UNC80: variants seen among roughly 807,000 people sequenced by gnomAD.
UNC80 encodes the protein protein unc-80 homolog.
A neutral mutation model predicts 384.6 loss-of-function variants in UNC80; 164 were observed. The observed-to-expected ratio is 0.43, with a 90% confidence interval of 0.38 to 0.49. The LOEUF (loss-of-function observed/expected upper bound fraction) is 0.49, where lower values mean the gene tolerates loss of function less well. UNC80 is among the 20% of genes least tolerant of loss of function. The pLI, the probability that UNC80 is intolerant of heterozygous loss-of-function variation, is 0.00. For missense variants in UNC80, 3,330 were observed against 4,143.0 expected (o/e 0.80, Z 5.39); for synonymous variants, 1,486 against 1,527.8 (o/e 0.97, Z 0.64).
intron 28 of UNC80, among the ~76,000 whole-genome samples, chr2:209,901,120 A>G (rs1480619634): frequency 6.6e-6 from 1 of 152,258 alleles, no homozygotes; most frequent in Admixed American, 6.5e-5. Flanking sequence ...GTAGGTGGCT[A>G]TACTATAAAA....
In UNC80 at chr2:209,998,132, CCA is replaced by C; in HGVS notation, c.*2539_*2540del. On this transcript the variant is annotated 3_prime_UTR_variant, in exon 65 of 65. Coordinates refer to ENST00000673920, the MANE Select transcript of UNC80 (RefSeq NM_001371986.1). The stretch of plus-strand genomic sequence containing the variant: ...TTCAGAGGAAAAACAAAAAAGGTAC[CCA>C]CTTCCCATGTAGAAAAAATTAGACT... 1 of 151,916 alleles carries C rather than the reference CCA, an allele frequency of 6.6e-6. No individual in the cohort carries two copies. The highest frequency in any genetic ancestry group is 1.9e-4 in the East Asian group (1 of 5,182). The allele number at this position is 151,916 out of a possible 1,614,324, so 9.4% of individuals were successfully genotyped here.
At chr2:209,810,114 C>T (rs2153826987) in intron 7 of UNC80, among the ~76,000 whole-genome samples, 1 of 152,250 alleles carries the variant, frequency 6.6e-6, no homozygotes, top group East Asian at 1.9e-4. Flanking sequence ...CTAAGATGCT[C>T]TGGGCCTGAG....
Position 209,959,388 on chromosome 2 carries a change from C to G in UNC80, c.7587-101C>G. 3 of 1,213,470 alleles carry G rather than the reference C, an allele frequency of 2.5e-6. No individual in the cohort carries two copies. The South Asian group carries it at 4.4e-5, about 18-fold the overall frequency. The allele number at this position is 1,213,470 out of a possible 1,614,324, so 75.2% of individuals were successfully genotyped here. A position where few individuals can be genotyped will look rare whatever the true frequency, so the allele number is the denominator to read the frequency against. On this transcript the variant is annotated intron_variant, in intron 50 of 64. Coordinates refer to ENST00000673920, the MANE Select transcript of UNC80 (RefSeq NM_001371986.1). ...GCCTCACCCTACTGATTCATTAACT[C>G]ATTAGGAATCTTATATTTTTCTTCA...
chr2:209,935,833 A>C (rs934264518), intron 40 of UNC80, 25 bp downstream of exon 40: 22 of 1,441,922 alleles, frequency 1.5e-5, no homozygotes, highest in Non-Finnish European at 1.9e-5. Context: ...TAACAGAAAC[A>C]ATTTTTAAGG....
chr2:209,930,168 CTA>C (rs143579809), intron 37 of UNC80, among the ~76,000 whole-genome samples, 197 bp downstream of exon 37: 15 of 149,802 alleles, frequency 1.0e-4, no homozygotes, highest in South Asian at 2.1e-4. Flanking sequence ...ATTCATGTTT[CTA>C]TATATATATA....
chr2:209,902,438 A>G (rs1293683412), intron 28 of UNC80, among the ~76,000 whole-genome samples: 1 of 152,232 alleles, frequency 6.6e-6, no homozygotes, highest in Non-Finnish European at 1.5e-5. Context: ...GTTGATCGCA[A>G]TTTTGAAAGA....
intron 9 of UNC80, among the ~76,000 whole-genome samples, chr2:209,815,836 T>C (rs1338691457): frequency 6.6e-6 from 1 of 152,216 alleles, no homozygotes; most frequent in African/African-American, 2.4e-5. Context: ...TTGCCCAAGA[T>C]TGAGTCCAAA....
chr2:209,831,385 C>G (rs2080955852), intron 15 of UNC80, 58 bp from the exon 16 acceptor site: 3 of 1,502,618 alleles, frequency 2.0e-6, no homozygotes, highest in Non-Finnish European at 8.9e-7. Context: ...TGCCTTACTC[C>G]TACCCATTGT....
intron 1 of UNC80, 119 bp downstream of exon 1, chr2:209,772,283 C>A: frequency 2.6e-6 from 1 of 384,144 alleles, no homozygotes; most frequent in Non-Finnish European, 4.3e-6. Context: ...AGCTCCCTCT[C>A]TGGGGCTGGA....
At chr2:209,924,375 C>A (rs144743416) in intron 35 of UNC80, among the ~76,000 whole-genome samples, 1 of 152,300 alleles carries the variant, frequency 6.6e-6, no homozygotes, top group East Asian at 1.9e-4. Context: ...TGCTCAGTTA[C>A]ATTAGTGGTC....
At chr2:209,946,725 G>A (rs1029421002) in intron 47 of UNC80, among the ~76,000 whole-genome samples, 48 of 152,302 alleles carry the variant, frequency 3.2e-4, no homozygotes, top group African/African-American at 1.1e-3. Context: ...ATTCAAAGAT[G>A]TTGGCTCTGG....
At chr2:209,863,275 T>G (rs1374033645) in intron 22 of UNC80, among the ~76,000 whole-genome samples, 5 of 152,184 alleles carry the variant, frequency 3.3e-5, no homozygotes, top group Non-Finnish European at 7.3e-5. Context: ...AGTTCTTCCT[T>G]CATTTCCACC....
intron 7 of UNC80, among the ~76,000 whole-genome samples, chr2:209,808,576 C>G (rs368104510): frequency 1.3e-5 from 2 of 151,994 alleles, no homozygotes; most frequent in East Asian, 3.9e-4. Flanking sequence ...CTGCGCGAGC[C>G]CAGCCAGGCC....
At chr2:209,812,968 G>C (rs2079474162) in intron 7 of UNC80, among the ~76,000 whole-genome samples, 1 of 152,082 alleles carries the variant, frequency 6.6e-6, no homozygotes, top group African/African-American at 2.4e-5. Flanking sequence ...TATAACTTTA[G>C]AATTTTCAAA....
intron 6 of UNC80, among the ~76,000 whole-genome samples, chr2:209,793,039 A>C (rs1037173888): frequency 1.3e-5 from 2 of 152,230 alleles, no homozygotes; most frequent in African/African-American, 4.8e-5. Flanking sequence ...TGTAAAAATT[A>C]AAATCGTAAG....
At chr2:209,884,840 T>C (rs1213287164) in intron 25 of UNC80, among the ~76,000 whole-genome samples, 1 of 151,734 alleles carries the variant, frequency 6.6e-6, no homozygotes, top group Non-Finnish European at 1.5e-5. Context: ...AAGTGGGAGC[T>C]GAACAATGAG....
At position 209,935,713 on chromosome 2, in the gene UNC80, G is replaced by T; in HGVS notation, c.6179-1G>T. On this transcript the variant is annotated splice_acceptor_variant, in intron 39 of 64. Coordinates refer to ENST00000673920, the MANE Select transcript of UNC80 (RefSeq NM_001371986.1). LOFTEE classifies it high-confidence loss of function. The stretch of plus-strand genomic sequence containing the variant: ...TTTGTTATTATTTTTATCATCTGTA[G>T]GTACTAAAACCTTGGTAGTTCATGG... 1.3e-6 allele frequency: 2 copies of T among 1,491,734 alleles called. No homozygotes were observed. The highest frequency in any genetic ancestry group is 1.4e-5 in the South Asian group (1 of 73,398). The allele number at this position is 1,491,734 out of a possible 1,614,324, so 92.4% of individuals were successfully genotyped here.
At chr2:209,965,451 C>T (rs183597357) in intron 51 of UNC80, among the ~76,000 whole-genome samples, 129 of 151,848 alleles carry the variant, frequency 8.5e-4, no homozygotes, top group African/African-American at 3.0e-3. Context: ...TGGGCCCAGA[C>T]CAGACCTTAG....
chr2:209,786,165 A>T lies in UNC80; in HGVS notation c.700A>T (p.Lys234Ter). The change falls in exon 5 of 65, where the codon AAG (lysine) becomes TAG (stop). Residue 234 changes from lysine (K) to a stop codon, truncating the protein, a stop_gained. Coordinates refer to ENST00000673920, the MANE Select transcript of UNC80 (RefSeq NM_001371986.1). LOFTEE classifies it high-confidence loss of function. ...AGTCTCTGGCTTTACCGCACTGGTG[A>T]AGCCCATCAGGAACATCATTACAGG... ...PGVSGFTALV[K>*]PIRNIITAKR... The T allele has an allele frequency of 6.2e-7, 1 of 1,613,948 alleles. No individual in the cohort carries two copies. The highest frequency in any genetic ancestry group is 8.5e-7 in the Non-Finnish European group (1 of 1,179,884).
Sources: gnomAD v4.1 joint callset for allele counts (sites outside exome capture counted in the v4.1 genomes callset) on GRCh38, gnomAD v4.1.1 for gene constraint, MANE v1.5 for transcripts, NCBI Gene and HGNC (gene_info 2026-07-23, HGNC 2026-07-21) for gene names.